The following SLX4IP variants were observed in gnomAD, a reference collection of about 807,000 sequenced individuals.
SLX4IP encodes SLX4 interacting protein.
A neutral mutation model predicts 32.9 loss-of-function variants in SLX4IP; 34 were observed. That is an observed-to-expected ratio of 1.03 (90% CI 0.79 to 1.38). The LOEUF (loss-of-function observed/expected upper bound fraction) is 1.38. Ranked by LOEUF, SLX4IP falls within the 40% of genes most tolerant of loss-of-function variation. The pLI is 0.00. For synonymous variants in SLX4IP, 172 were observed against 171.7 expected (o/e 1.00, Z -0.01); for missense variants, 444 against 479.0 (o/e 0.93, Z 0.68).
chr20:10,462,840 C>T (rs2065349389), intron 2 of SLX4IP, among the ~76,000 whole-genome samples: 1 of 152,212 alleles, frequency 6.6e-6, no homozygotes, highest in African/African-American at 2.4e-5. Flanking sequence ...ACAGTCAGCA[C>T]TCCTGTAACA....
intron 4 of SLX4IP, among the ~76,000 whole-genome samples, chr20:10,589,709 A>T (rs2066684268): frequency 6.6e-6 from 1 of 152,314 alleles, no homozygotes; most frequent in South Asian, 2.1e-4. Flanking sequence ...TGAGGTTTTT[A>T]AAAATCACGT....
At chr20:10,515,590 A>G (rs1421006312) in intron 2 of SLX4IP, among the ~76,000 whole-genome samples, 1 of 152,234 alleles carries the variant, frequency 6.6e-6, no homozygotes, top group Non-Finnish European at 1.5e-5. Context: ...ACTTACAATT[A>G]TAGTGTGCAT....
In SLX4IP at chr20:10,476,867, G is replaced by A. The variant is rs968855963; in HGVS notation, c.27+18636G>A. On this transcript the variant is annotated intron_variant, in intron 2 of 7. Coordinates refer to ENST00000334534, the MANE Select transcript of SLX4IP (RefSeq NM_001009608.3). ...CCCATCACTATCTTTAACATTGTGG[G>A]CACTTTTAAATTAACTAGTATTCAA... Among the ~76,000 whole-genome samples the A allele has an allele frequency of 7.2e-5, 11 of 152,258 alleles. No individual in the cohort carries two copies. The South Asian group carries it at 2.3e-3, about 32-fold the overall frequency.
rs57942782 is a variant in SLX4IP, at chr20:10,512,778, CTATATA to C, written c.28-43414_28-43409del. On this transcript the variant is annotated intron_variant, in intron 2 of 7. Coordinates refer to ENST00000334534, the MANE Select transcript of SLX4IP (RefSeq NM_001009608.3). ...ATGTATATATATACACACACACACT[CTATATA>C]TATATATATATATATATATATATAT... Among the ~76,000 whole-genome samples the C allele has an allele frequency of 3.5e-3, 89 of 25,590 alleles. 2 individuals carry two copies. Among genetic ancestry groups the C allele is most frequent in the African/African-American group, 4.1e-3 (26 of 6,320 alleles). 16.8% of individuals were successfully genotyped at this position (25,590 alleles called of 152,430 possible).
intron 2 of SLX4IP, among the ~76,000 whole-genome samples, chr20:10,505,381 T>G (rs992840871): frequency 4.6e-5 from 7 of 152,232 alleles, no homozygotes; most frequent in African/African-American, 1.7e-4. Context: ...TATTTCTAGC[T>G]TGAAGAAAGA....
chr20:10,538,042 A>C (rs1427616253), intron 2 of SLX4IP, among the ~76,000 whole-genome samples: 1 of 152,178 alleles, frequency 6.6e-6, no homozygotes, highest in Non-Finnish European at 1.5e-5. Context: ...TTCTGTGACC[A>C]AATTAAACCC....
chr20:10,497,879 C>T (rs1024997799), intron 2 of SLX4IP, among the ~76,000 whole-genome samples: 1 of 151,830 alleles, frequency 6.6e-6, no homozygotes, highest in African/African-American at 2.4e-5. Context: ...CCTTTGTATG[C>T]AATCCTTCCA....
intron 1 of SLX4IP, among the ~76,000 whole-genome samples, chr20:10,452,749 G>A (rs1205899176): frequency 6.6e-6 from 1 of 150,878 alleles, no homozygotes; most frequent in Non-Finnish European, 1.5e-5. Flanking sequence ...TACTTAGGAG[G>A]CTGAGGCAGG....
chr20:10,620,443 A>C (rs2067094561), intron 6 of SLX4IP, among the ~76,000 whole-genome samples: 1 of 152,234 alleles, frequency 6.6e-6, no homozygotes, highest in South Asian at 2.1e-4. Context: ...AGTGGTGGTT[A>C]GTATAAGGAA....
chr20:10,586,366 G>A (rs1388232234), intron 4 of SLX4IP, among the ~76,000 whole-genome samples: 1 of 152,144 alleles, frequency 6.6e-6, no homozygotes, highest in African/African-American at 2.4e-5. Context: ...TTACTTGATT[G>A]GTTATAGCTA....
At chr20:10,483,013 C>T (rs2065537972) in intron 2 of SLX4IP, among the ~76,000 whole-genome samples, 1 of 152,192 alleles carries the variant, frequency 6.6e-6, no homozygotes, top group South Asian at 2.1e-4. Flanking sequence ...TTTATTAGAG[C>T]ATACACTGTT....
At chr20:10,513,521 G>A (rs2044460433) in intron 2 of SLX4IP, among the ~76,000 whole-genome samples, 1 of 152,208 alleles carries the variant, frequency 6.6e-6, no homozygotes, top group African/African-American at 2.4e-5. Flanking sequence ...GGTATTAGCT[G>A]CACCTTTTCA....
At position 10,602,702 on chromosome 20, in the gene SLX4IP, TG is replaced by T. The variant is rs542475557; in HGVS notation, c.405+886del. The stretch of plus-strand genomic sequence containing the variant: ...ATTATTATGCTTCTAAAATAATTTA[TG>T]GGAATATTAGATTACCCTTGATGTT... On this transcript the variant is annotated intron_variant, in intron 6 of 7. Coordinates refer to ENST00000334534, the MANE Select transcript of SLX4IP (RefSeq NM_001009608.3). 7.6e-4 allele frequency among the ~76,000 whole-genome samples: 116 copies of T among 152,356 alleles called. 3 individuals are homozygous for T. The South Asian group carries it at 0.023, about 30-fold the overall frequency.
chr20:10,607,355 C>T (rs2122555942), intron 6 of SLX4IP, among the ~76,000 whole-genome samples: 1 of 152,320 alleles, frequency 6.6e-6, no homozygotes, highest in Middle Eastern at 3.4e-3. Context: ...TGACCTGCAT[C>T]AGCCACACAA....
At chr20:10,594,975 A>G (rs1204202006) in intron 4 of SLX4IP, among the ~76,000 whole-genome samples, 1 of 152,172 alleles carries the variant, frequency 6.6e-6, no homozygotes, top group Non-Finnish European at 1.5e-5. Flanking sequence ...TGTGGTAACA[A>G]GTAATCATTT....
intron 2 of SLX4IP, among the ~76,000 whole-genome samples, chr20:10,510,717 G>A (rs186951769): frequency 7.9e-5 from 12 of 151,454 alleles, no homozygotes; most frequent in Admixed American, 2.6e-4. Flanking sequence ...TGATTGTCCC[G>A]CCTCAGCCTC....
chr20:10,471,205 C>A (rs1207326439), intron 2 of SLX4IP, among the ~76,000 whole-genome samples: 2 of 152,184 alleles, frequency 1.3e-5, no homozygotes, highest in Non-Finnish European at 2.9e-5. Flanking sequence ...TTCCTGGTCT[C>A]ATAATTCTTG....
intron 2 of SLX4IP, among the ~76,000 whole-genome samples, chr20:10,520,758 G>A (rs1389122621): frequency 6.6e-6 from 1 of 152,164 alleles, no homozygotes; most frequent in African/African-American, 2.4e-5. Flanking sequence ...AACACCATCT[G>A]TATGAACATA....
rs1422238585 is a variant in SLX4IP, at chr20:10,624,511, C to T, written c.*1132C>T. 1 of 151,936 alleles carries T rather than the reference C, an allele frequency of 6.6e-6. No homozygotes were observed. Among genetic ancestry groups the T allele is most frequent in the African/African-American group, 2.4e-5 (1 of 41,386 alleles). The allele number at this position is 151,936 out of a possible 1,614,324, so 9.4% of individuals were successfully genotyped here. On this transcript the variant is annotated 3_prime_UTR_variant, in exon 8 of 8. Transcript: ENST00000334534. ...AAAAGTTTCCAATAACCGAATTTCA[C>T]TCTAAAAGAGGAAAGAAACAATATT...
Sources: allele counts gnomAD v4.1 joint callset (sites outside exome capture counted in the v4.1 genomes callset), GRCh38; gene constraint gnomAD v4.1.1; transcripts MANE v1.5; gene names NCBI Gene and HGNC (gene_info 2026-07-23, HGNC 2026-07-21).